Variants in MYO16 observed in about 807,000 individuals in gnomAD.
MYO16 encodes the protein unconventional myosin-XVI.
Under a neutral mutation model 205.3 loss-of-function variants are expected in MYO16, and 94 were observed. The ratio of observed to expected loss-of-function variants is 0.46; its 90% confidence interval spans 0.39 to 0.54. MYO16 has a LOEUF of 0.54. Among genes scored for constraint, MYO16 ranks in the 20% least tolerant of loss-of-function variants. The pLI, the probability that MYO16 is intolerant of heterozygous loss-of-function variation, is 0.00. For synonymous variants in MYO16, 988 were observed against 954.0 expected (o/e 1.04, Z -0.66); for missense variants, 2,315 against 2,387.5 (o/e 0.97, Z 0.63).
At chr13:108,699,578 T>C (rs1184968814) in intron 2 of MYO16, among the ~76,000 whole-genome samples, 1 of 152,202 alleles carries the variant, frequency 6.6e-6, no homozygotes, top group African/African-American at 2.4e-5. Flanking sequence ...TAAGGAAATA[T>C]GCCATCAAGT....
chr13:108,722,670 A>G (rs1464822413), intron 3 of MYO16, among the ~76,000 whole-genome samples: 2 of 152,226 alleles, frequency 1.3e-5, no homozygotes, highest in African/African-American at 4.8e-5. Context: ...ACGCTGAGCT[A>G]TCACAAAGCT....
chr13:108,836,099 G>A (rs187987193), intron 9 of MYO16, among the ~76,000 whole-genome samples: 1 of 152,252 alleles, frequency 6.6e-6, no homozygotes, highest in Admixed American at 6.5e-5. Flanking sequence ...GGCAAAAATG[G>A]TTTTGTGTTT....
chr13:108,532,385 G>C, the MYO16 span, among the ~76,000 whole-genome samples: 3 of 151,694 alleles, frequency 2.0e-5, no homozygotes, highest in South Asian at 2.1e-4. Context: ...TGTTTGAACA[G>C]AGTAGTGATA....
intron 11 of MYO16, among the ~76,000 whole-genome samples, chr13:108,864,412 T>C (rs1302140695): frequency 1.3e-5 from 2 of 152,218 alleles, no homozygotes; most frequent in Non-Finnish European, 2.9e-5. Flanking sequence ...AATTTCAAAA[T>C]GTTTGGTGAT....
intron 23 of MYO16, among the ~76,000 whole-genome samples, chr13:109,022,682 A>C (rs1886112405): frequency 3.7e-5 from 2 of 53,802 alleles, no homozygotes; most frequent in South Asian, 9.1e-4. Flanking sequence ...ATATACACAT[A>C]TAAACATGTA....
intron 24 of MYO16, among the ~76,000 whole-genome samples, chr13:109,047,973 A>G (rs1887101154): frequency 6.6e-6 from 1 of 152,122 alleles, no homozygotes; most frequent in East Asian, 1.9e-4. Flanking sequence ...AAAGAATAAC[A>G]TTATGAAGAC....
intron 4 of MYO16, among the ~76,000 whole-genome samples, chr13:108,759,034 ATAT>A (rs1242962964): frequency 3.9e-5 from 6 of 152,196 alleles, no homozygotes; most frequent in Middle Eastern, 3.2e-3. Context: ...TTCAATGAAG[ATAT>A]TATGAAATCT....
At chr13:109,150,334 A>G (rs147844923) in intron 32 of MYO16, among the ~76,000 whole-genome samples, 21 of 152,310 alleles carry the variant, frequency 1.4e-4, no homozygotes, top group African/African-American at 5.1e-4. Flanking sequence ...CAGCCCCTCA[A>G]TAAATATTTG....
At chr13:108,543,866 G>C in the MYO16 span, among the ~76,000 whole-genome samples, 1 of 148,932 alleles carries the variant, frequency 6.7e-6, no homozygotes. Context: ...AGGAGTTCGA[G>C]ACCAGCCCGG....
At chr13:108,644,258 G>T (rs1880636699) in intron 1 of MYO16, among the ~76,000 whole-genome samples, 1 of 152,158 alleles carries the variant, frequency 6.6e-6, no homozygotes, top group Non-Finnish European at 1.5e-5. Context: ...ATGTCTTCCA[G>T]TTTCTGATTT....
intron 23 of MYO16, among the ~76,000 whole-genome samples, chr13:109,026,554 A>T (rs1220827271): frequency 6.6e-6 from 1 of 152,114 alleles, no homozygotes; most frequent in East Asian, 1.9e-4. Flanking sequence ...TATTTGTTGC[A>T]GCCATCCTAG....
intron 2 of MYO16, among the ~76,000 whole-genome samples, chr13:108,671,105 G>T (rs1358886505): frequency 6.6e-6 from 1 of 152,156 alleles, no homozygotes; most frequent in Admixed American, 6.5e-5. Context: ...TTAACTTTTA[G>T]TTGTGTTTTA....
chr13:108,900,838 G>C (rs1200564791), intron 15 of MYO16, among the ~76,000 whole-genome samples: 1 of 152,188 alleles, frequency 6.6e-6, no homozygotes, highest in Non-Finnish European at 1.5e-5. Flanking sequence ...CTGCCAGTGA[G>C]CCAGGTGGAG....
At chr13:108,684,116 C>T (rs937713549) in intron 2 of MYO16, among the ~76,000 whole-genome samples, 4 of 152,286 alleles carry the variant, frequency 2.6e-5, no homozygotes, top group East Asian at 3.9e-4. Context: ...CCTCGTGATC[C>T]GCCCGCCTCG....
intron 2 of MYO16, among the ~76,000 whole-genome samples, chr13:108,697,032 C>T (rs1345978482): frequency 6.7e-6 from 1 of 149,940 alleles, no homozygotes; most frequent in East Asian, 2.0e-4. Context: ...AATCAGTTGA[C>T]ACAAAGCATG....
At chr13:108,563,307 G>A in the MYO16 span, among the ~76,000 whole-genome samples, 7 of 152,108 alleles carry the variant, frequency 4.6e-5, no homozygotes, top group Non-Finnish European at 8.8e-5. Flanking sequence ...ATCCCCTCAA[G>A]CACTTATCCT....
At chr13:109,164,857 A>G (rs999576590) in intron 32 of MYO16, 44 bp from the exon 33 acceptor site, 17 of 1,208,662 alleles carry the variant, frequency 1.4e-5, no homozygotes, top group Non-Finnish European at 2.0e-5. Flanking sequence ...TATATTCAGT[A>G]CATGTTATCA....
intron 14 of MYO16, among the ~76,000 whole-genome samples, chr13:108,896,649 A>G (rs1167759465): frequency 6.6e-6 from 1 of 152,218 alleles, no homozygotes; most frequent in East Asian, 1.9e-4. Flanking sequence ...ACCTTAATGT[A>G]GCAGATGCCA....
chr13:108,564,302 C>T, the MYO16 span, among the ~76,000 whole-genome samples: 1 of 151,778 alleles, frequency 6.6e-6, no homozygotes, highest in East Asian at 1.9e-4. Context: ...TCCCAAGTAG[C>T]TGGGATTAAA....
Sources: allele counts gnomAD v4.1 joint callset (sites outside exome capture counted in the v4.1 genomes callset), GRCh38; gene constraint gnomAD v4.1.1; transcripts MANE v1.5; gene names NCBI Gene and HGNC (gene_info 2026-07-23, HGNC 2026-07-21).